The following NEB variants were observed in gnomAD, a reference collection of about 807,000 sequenced individuals.
NEB encodes the protein nemaline myopathy type 2.
A neutral mutation model predicts 952.2 loss-of-function variants in NEB; 512 were observed. That is an observed-to-expected ratio of 0.54 (90% CI 0.50 to 0.58). NEB has a LOEUF of 0.58. Among genes scored for constraint, NEB ranks in the 20% least tolerant of loss-of-function variants. The pLI is 0.00. For synonymous variants in NEB, 2,900 were observed against 3,149.8 expected (o/e 0.92, Z 2.66); for missense variants, 8,428 against 9,231.1 (o/e 0.91, Z 3.56).
chr2:151,695,403 C>A (rs1043331557), intron 18 of NEB, among the ~76,000 whole-genome samples, 175 bp downstream of exon 18: 1 of 152,150 alleles, frequency 6.6e-6, no homozygotes, highest in African/African-American at 2.4e-5. Context: ...GATTGCTACA[C>A]ATATTTTGTA....
intron 119 of NEB, among the ~76,000 whole-genome samples, 168 bp downstream of exon 119, chr2:151,563,438 C>T (rs2096211714): frequency 6.6e-6 from 1 of 152,142 alleles, no homozygotes; most frequent in Non-Finnish European, 1.5e-5. Flanking sequence ...AAGCACACAG[C>T]TACCAAGAGT....
chr2:151,503,368 T>G lies in NEB; in HGVS notation c.23816A>C (p.Asn7939Thr), dbSNP rs1461067378. Reference sequence around the variant, plus strand: ...AAATACCGAGCTAAAGTTCTCTTGATTGCGTTTGACTCTCTCAATCTCTGG... The same window carrying G: ...AAATACCGAGCTAAAGTTCTCTTGAGTGCGTTTGACTCTCTCAATCTCTGG... Reference protein sequence around the residue: ...VTPEIERVKRNQENFSSVLYK... With the variant: ...VTPEIERVKRTQENFSSVLYK... The change falls in exon 166 of 182, where the codon AAT becomes ACT. Residue 7939 changes from asparagine (N) to threonine (T), a missense_variant. Transcript: ENST00000397345. 1 of 1,611,738 alleles carries G rather than the reference T, an allele frequency of 6.2e-7. No individual in the cohort carries two copies. Among genetic ancestry groups the G allele is most frequent in the Non-Finnish European group, 8.5e-7 (1 of 1,178,154 alleles).
At chr2:151,575,901 T>C (rs2096811198) in intron 106 of NEB, 102 bp from the exon 107 acceptor site, 1 of 912,494 alleles carries the variant, frequency 1.1e-6, no homozygotes, top group South Asian at 1.4e-5. Flanking sequence ...TCCAAAACCC[T>C]TTCATGTTAG....
chr2:151,648,430 C>T (rs989225807), intron 54 of NEB, among the ~76,000 whole-genome samples: 8 of 152,164 alleles, frequency 5.3e-5, no homozygotes, highest in African/African-American at 1.9e-4. Context: ...TTTAGTAACA[C>T]CAGAGTTTCT....
intron 16 of NEB, 49 bp downstream of exon 16, chr2:151,697,099 T>C (rs375200998): frequency 2.5e-5 from 35 of 1,376,556 alleles, no homozygotes; most frequent in Middle Eastern, 1.8e-4. Context: ...TCCTGACCAC[T>C]AGATGCTATG....
At chr2:151,605,845 A>G (rs1281343096) in intron 84 of NEB, among the ~76,000 whole-genome samples, 1 of 96,136 alleles carries the variant, frequency 1.0e-5, no homozygotes, top group African/African-American at 2.9e-5. Context: ...CTTGTTGCCC[A>G]GGCTGGAACG....
rs1352265166 is a variant in NEB at position 151,541,493 on chromosome 2, G to A, written c.20636C>T (p.Thr6879Ile). Residue 6879 changes from threonine to isoleucine, a missense_variant, in exon 136 of 182, where the codon ACT (threonine) becomes ATT (isoleucine). Thr to Ile is a moderately conservative substitution (Grantham distance 89, BLOSUM62 -1). Transcript: ENST00000397345. ...QKSIFTSVPD[T>I]PDLLRAKRGQ... is the part of the protein sequence containing the mutation. Reference sequence around the variant, plus strand: ...TCGCTTGGCTCTTAAAAGATCAGGAGTATCAGGAACTGAAGTAAAGATTGA... The same window carrying A: ...TCGCTTGGCTCTTAAAAGATCAGGAATATCAGGAACTGAAGTAAAGATTGA... 4 of 1,613,514 alleles carry A rather than the reference G, an allele frequency of 2.5e-6. No homozygotes were observed. The highest frequency in any genetic ancestry group is 1.7e-4 in the Middle Eastern group (1 of 6,058).
chr2:151,708,526 G>A (rs1315411365), intron 12 of NEB, among the ~76,000 whole-genome samples: 1 of 151,992 alleles, frequency 6.6e-6, no homozygotes, highest in Non-Finnish European at 1.5e-5. Flanking sequence ...ATGTTCCCAT[G>A]GAAGGACCCC....
intron 158 of NEB, 134 bp from the exon 159 acceptor site, chr2:151,514,562 A>G: frequency 1.3e-6 from 1 of 746,008 alleles, no homozygotes; most frequent in East Asian, 2.5e-5. Context: ...GAATACAGGC[A>G]GGGTATAAGC....
chr2:151,674,801 G>C (rs1312273356), intron 35 of NEB, among the ~76,000 whole-genome samples: 2 of 152,182 alleles, frequency 1.3e-5, no homozygotes, highest in East Asian at 3.8e-4. Context: ...ATATTGAAGA[G>C]AGGAATATTG....
intron 63 of NEB, 83 bp from the exon 64 acceptor site, chr2:151,636,417 C>G (rs1263839317): frequency 7.8e-6 from 8 of 1,028,480 alleles, no homozygotes; most frequent in Non-Finnish European, 1.2e-5. Context: ...CTAAGTTCTC[C>G]ACAGACAGTG....
intron 113 of NEB, among the ~76,000 whole-genome samples, chr2:151,567,867 G>C (rs568658040): frequency 3.7e-4 from 57 of 152,150 alleles, no homozygotes; most frequent in Non-Finnish European, 7.8e-4. Flanking sequence ...GGGGGTGGTG[G>C]GCGGGTGAAG....
At chr2:151,684,682 A>T in intron 28 of NEB, 96 bp downstream of exon 28, 1 of 1,189,448 alleles carries the variant, frequency 8.4e-7, no homozygotes, top group Non-Finnish European at 1.2e-6. Flanking sequence ...GACAATGCAG[A>T]TACCTCTAAG....
intron 74 of NEB, 43 bp downstream of exon 74, chr2:151,618,231 CT>C (rs1560497800): frequency 6.5e-7 from 1 of 1,528,826 alleles, no homozygotes; most frequent in Non-Finnish European, 9.0e-7. Context: ...TTAAATTGTT[CT>C]GTGGTAACTT....
chr2:151,696,575 GTA>G, intron 17 of NEB, 60 bp downstream of exon 17: 1 of 1,259,320 alleles, frequency 7.9e-7, no homozygotes, highest in Non-Finnish European at 1.2e-6. Flanking sequence ...TGGATTTTAT[GTA>G]TAGAGTTATG....
chr2:151,489,207 A>T lies in NEB; in HGVS notation c.25404+764T>A, dbSNP rs74886039. On this transcript the variant is annotated intron_variant, in intron 181 of 181. Coordinates refer to ENST00000397345, the MANE Select transcript of NEB (RefSeq NM_001164508.2). ...ATTTAATAAAGACAGTTGTCTTCAT[A>T]CAAAGATTGTTCATATCAATCCTAA... Among the ~76,000 whole-genome samples the T allele has an allele frequency of 6.0e-3, 913 of 152,336 alleles. 6 individuals carry two copies. Among genetic ancestry groups the T allele is most frequent in the Middle Eastern group, 0.017 (5 of 294 alleles).
chr2:151,634,157 G>A (rs945173064), intron 64 of NEB, among the ~76,000 whole-genome samples, 192 bp from the exon 65 acceptor site: 7 of 152,154 alleles, frequency 4.6e-5, no homozygotes, highest in African/African-American at 1.7e-4. Context: ...TGTAATTGTA[G>A]TATATACCCC....
At chr2:151,507,649 C>T in intron 162 of NEB, 1 of 224,108 alleles carries the variant, frequency 4.5e-6, no homozygotes, top group East Asian at 1.0e-4. Context: ...ACATATTTCC[C>T]TGTTTCTTTG....
At chr2:151,553,713 A>C (rs1313772616) in intron 126 of NEB, 115 bp downstream of exon 126, 1 of 1,078,560 alleles carries the variant, frequency 9.3e-7, no homozygotes, top group African/African-American at 1.6e-5. Context: ...AAATGGACAT[A>C]TAGGGAAGAG....
Sources: gnomAD v4.1 joint callset for allele counts (sites outside exome capture counted in the v4.1 genomes callset) on GRCh38, gnomAD v4.1.1 for gene constraint, MANE v1.5 for transcripts, NCBI Gene and HGNC (gene_info 2026-07-23, HGNC 2026-07-21) for gene names.